DST: variants seen among roughly 807,000 people sequenced by gnomAD.
The protein encoded by DST is dystonin.
A neutral mutation model predicts 875.2 loss-of-function variants in DST; 253 were observed. That is an observed-to-expected ratio of 0.29 (90% CI 0.26 to 0.32). DST has a LOEUF of 0.32. DST is among the 10% of genes least tolerant of loss of function. The probability of loss-of-function intolerance (pLI) is 1.00; values close to 1 mark genes in which losing one functional copy is unlikely to be tolerated. For missense variants in DST, 8,287 were observed against 9,111.6 expected, an observed-to-expected ratio of 0.91 and a Z score of 3.68; for synonymous variants, 3,124 against 3,197.1, an observed-to-expected ratio of 0.98 and a Z score of 0.77.
intron 4 of DST, among the ~76,000 whole-genome samples, chr6:56,764,287 C>G (rs1432303935): frequency 9.9e-5 from 15 of 152,198 alleles, no homozygotes; most frequent in Admixed American, 9.8e-4. Flanking sequence ...AGCACAATCT[C>G]CAAAACGTTT....
chr6:56,914,638 AAAGTCT>A (rs1482178724), intron 2 of DST, among the ~76,000 whole-genome samples: 1 of 152,192 alleles, frequency 6.6e-6, no homozygotes, highest in Non-Finnish European at 1.5e-5. Flanking sequence ...TCTCCATCTC[AAAGTCT>A]ATTTTTCTGG....
Position 56,472,216 on chromosome 6 carries a change from C to T in DST, c.22001G>A (p.Arg7334His), listed in dbSNP as rs1270619875. Residue 7334 changes from arginine to histidine, a missense_variant, in exon 94 of 104, where the codon CGC (arginine) becomes CAC (histidine). Arg to His is a conservative substitution (Grantham distance 29). Coordinates refer to ENST00000680361, the MANE Select transcript of DST (RefSeq NM_001374736.1). ...VLDKGRAGRK[R>H]FPASSLYPSG... The stretch of plus-strand genomic sequence containing the variant: ...GGGATACAAGCTTGATGCTGGAAAG[C>T]GTTTTCCTGTGAAGGTATAACTTCG... The T allele has an allele frequency of 3.1e-6, 5 of 1,613,488 alleles. No homozygotes were observed. In the South Asian group the frequency reaches 3.3e-5, roughly 11 times the overall value.
chr6:56,846,244 T>C (rs985642670), intron 4 of DST, among the ~76,000 whole-genome samples: 3 of 152,236 alleles, frequency 2.0e-5, no homozygotes, highest in Non-Finnish European at 1.5e-5. Flanking sequence ...TTCACTATTA[T>C]ATTTAATCAC....
intron 4 of DST, among the ~76,000 whole-genome samples, chr6:56,739,474 C>A (rs2099538391): frequency 1.3e-5 from 2 of 152,024 alleles, no homozygotes; most frequent in South Asian, 4.2e-4. Flanking sequence ...TTTAATGAGT[C>A]CAGTGCTATG....
Position 56,873,662 on chromosome 6 carries a change from T to C in DST, c.418-22058A>G, listed in dbSNP as rs1778362977. The stretch of plus-strand genomic sequence containing the variant: ...CTCACTCATGTTGGAGTTAAAATAG[T>C]GGATCTCATGAAGATAGAGAATTGA... On this transcript the variant is annotated intron_variant, in intron 3 of 103. Transcript: ENST00000680361. Among the ~76,000 whole-genome samples, 3 of 152,138 alleles carry C rather than the reference T, an allele frequency of 2.0e-5. No individual in the cohort carries two copies. The South Asian group carries it at 6.2e-4, about 31-fold the overall frequency.
In DST at chr6:56,508,702, G is replaced by C. The variant is rs188136385; in HGVS notation, c.19066C>G (p.Leu6356Val). The C allele has an allele frequency of 1.2e-6, 2 of 1,613,770 alleles. No homozygotes were observed. Among genetic ancestry groups the C allele is most frequent in the Non-Finnish European group, 1.7e-6 (2 of 1,179,776 alleles). Residue 6356 changes from leucine (L) to valine (V), a missense_variant, in exon 75 of 104, where the codon CTG becomes GTG. This residue lies in a region of DST where 1,292 missense variants were observed against 1,552.7 expected (regional missense o/e 0.83). Coordinates refer to ENST00000680361, the MANE Select transcript of DST (RefSeq NM_001374736.1). ...AGTTTGGCTTCCCTCTCTTCCACCA[G>C]TGTGTGTATGTTCTCCCAAATGAAA... is the stretch of plus-strand genomic sequence containing the variant. ...MVFIWENIHT[L>V]VEEREAKLLD...
intron 9 of DST, among the ~76,000 whole-genome samples, chr6:56,675,073 T>G (rs1175897309): frequency 1.3e-5 from 2 of 152,132 alleles, no homozygotes; most frequent in Non-Finnish European, 2.9e-5. Flanking sequence ...GACAGACCAG[T>G]GGAACAACAG....
At chr6:56,707,935 C>T (rs1212764074) in intron 5 of DST, among the ~76,000 whole-genome samples, 3 of 152,048 alleles carry the variant, frequency 2.0e-5, no homozygotes, top group Admixed American at 6.6e-5. Context: ...TTTGGGAGGC[C>T]GAGGTGGGTG....
At position 56,608,279 on chromosome 6, in the gene DST, G is replaced by C; in HGVS notation, c.6349C>G (p.Gln2117Glu). ...IAALYIPESS[Q>E]VIGLDAAKQL... ...TTAGCAGCATCCAAACCAATGACTT[G>C]AGAACTTTCTGGAATATAAAGAGCA... The change falls in exon 40 of 104, where the codon CAA becomes GAA. Residue 2117 changes from glutamine (Q) to glutamate (E), a missense_variant. Gln to Glu is a conservative substitution (Grantham distance 29). This residue lies in a region of DST where 3,138 missense variants were observed against 3,116.6 expected (regional missense o/e 1.01). Coordinates refer to ENST00000680361, the MANE Select transcript of DST (RefSeq NM_001374736.1). 6.2e-7 allele frequency: 1 copy of C among 1,613,620 alleles called. No individual in the cohort carries two copies. Among genetic ancestry groups the C allele is most frequent in the Non-Finnish European group, 8.5e-7 (1 of 1,179,774 alleles).
chr6:56,620,979 T>C (rs1414881564), intron 36 of DST, among the ~76,000 whole-genome samples: 1 of 152,190 alleles, frequency 6.6e-6, no homozygotes, highest in East Asian at 1.9e-4. Context: ...ATTAGCTAGC[T>C]TAGAATTTTA....
At chr6:56,801,527 G>C (rs1006746743) in intron 4 of DST, among the ~76,000 whole-genome samples, 10 of 152,086 alleles carry the variant, frequency 6.6e-5, no homozygotes, top group African/African-American at 2.4e-4. Context: ...CTTATAAAAT[G>C]TCCAGAGAGA....
chr6:56,663,457 C>T (rs2099055466), intron 10 of DST, among the ~76,000 whole-genome samples: 1 of 152,260 alleles, frequency 6.6e-6, no homozygotes, highest in Admixed American at 6.5e-5. Context: ...TATGCACACA[C>T]ATACATACAC....
At chr6:56,911,532 G>A (rs763209816) in intron 2 of DST, among the ~76,000 whole-genome samples, 3 of 152,162 alleles carry the variant, frequency 2.0e-5, no homozygotes, top group Non-Finnish European at 2.9e-5. Flanking sequence ...ACGGCATCTC[G>A]CTACTGCAGG....
chr6:56,502,676 A>G (rs531805638), intron 78 of DST, among the ~76,000 whole-genome samples: 17 of 152,240 alleles, frequency 1.1e-4, no homozygotes, highest in African/African-American at 4.1e-4. Flanking sequence ...ATCCACACCC[A>G]TAATTGTACA....
intron 4 of DST, among the ~76,000 whole-genome samples, chr6:56,794,450 C>G (rs1027985168): frequency 3.9e-5 from 6 of 152,152 alleles, no homozygotes; most frequent in African/African-American, 1.4e-4. Context: ...CATTTGGTAG[C>G]TGGAAAACCC....
At chr6:56,586,629 AC>A (rs2098156894) in intron 49 of DST, among the ~76,000 whole-genome samples, 1 of 151,812 alleles carries the variant, frequency 6.6e-6, no homozygotes. Flanking sequence ...CTGACCCCTG[AC>A]CCCCGAGCAG....
intron 9 of DST, among the ~76,000 whole-genome samples, chr6:56,673,210 G>A (rs1432336756): frequency 2.0e-5 from 3 of 151,934 alleles, no homozygotes; most frequent in Admixed American, 6.6e-5. Context: ...ACGCCACTGC[G>A]CTCCAGCCTG....
At chr6:56,901,917 T>C (rs535141600) in intron 2 of DST, among the ~76,000 whole-genome samples, 1 of 152,224 alleles carries the variant, frequency 6.6e-6, no homozygotes, top group South Asian at 2.1e-4. Flanking sequence ...AAATCTAACA[T>C]AGAGTTCATA....
intron 4 of DST, among the ~76,000 whole-genome samples, chr6:56,758,087 A>T (rs1445923321): frequency 6.6e-6 from 1 of 152,244 alleles, no homozygotes; most frequent in Non-Finnish European, 1.5e-5. Context: ...TCAAGCGCGT[A>T]CAACTGTAGC....
Sources: gnomAD v4.1 joint callset for allele counts (sites outside exome capture counted in the v4.1 genomes callset) on GRCh38, gnomAD v4.1.1 for gene constraint, gnomAD v4.1.1 regional missense constraint, MANE v1.5 for transcripts, NCBI Gene and HGNC (gene_info 2026-07-23, HGNC 2026-07-21) for gene names.